CYP19A1: variants seen among roughly 807,000 people sequenced by gnomAD.
The protein encoded by CYP19A1 is cytochrome P450 family 19 subfamily A member 1, also known as aromatase.
In CYP19A1, 32 loss-of-function variants were observed where a neutral mutation model predicts 44.4. That is an observed-to-expected ratio of 0.72 (90% CI 0.54 to 0.97). CYP19A1 has a LOEUF of 0.97. CYP19A1 is among the 50% of genes least tolerant of loss of function. The pLI, the probability that CYP19A1 is intolerant of heterozygous loss-of-function variation, is 0.00. For synonymous variants in CYP19A1, 212 were observed against 215.6 expected (o/e 0.98, Z 0.14); for missense variants, 598 against 637.8 (o/e 0.94, Z 0.67).
chr15:51,333,159 G>T (rs1327030904), intron 1 of CYP19A1, among the ~76,000 whole-genome samples: 1 of 152,124 alleles, frequency 6.6e-6, no homozygotes, highest in Non-Finnish European at 1.5e-5. Context: ...TAGTGGCTTG[G>T]TTTCATGTGA....
chr15:51,236,344 T>C (rs1397184983), intron 3 of CYP19A1, among the ~76,000 whole-genome samples: 3 of 152,330 alleles, frequency 2.0e-5, no homozygotes, highest in South Asian at 2.1e-4. Flanking sequence ...AATTAGCAAA[T>C]TGCTAATCAG....
intron 1 of CYP19A1, among the ~76,000 whole-genome samples, chr15:51,287,710 C>T (rs2035740342): frequency 6.6e-6 from 1 of 152,194 alleles, no homozygotes; most frequent in African/African-American, 2.4e-5. Context: ...AGTAATTATT[C>T]AACTGAGTCC....
At chr15:51,239,544 T>G (rs751476583) in intron 2 of CYP19A1, among the ~76,000 whole-genome samples, 1 of 152,088 alleles carries the variant, frequency 6.6e-6, no homozygotes, top group Admixed American at 6.5e-5. Flanking sequence ...GATAGAAGAA[T>G]ACATAATGTA....
rs1017900084 is a variant in CYP19A1 at position 51,222,065 on chromosome 15, A to C, written c.628+284T>G. On this transcript the variant is annotated intron_variant, in intron 5 of 9. Coordinates refer to ENST00000396402, the MANE Select transcript of CYP19A1 (RefSeq NM_000103.4). ...GTAGGATATGTTAATAACCAAACGA[A>C]CTAATCACATTTGTTAAGTTTCAAC... 3 of 580,438 alleles carry C rather than the reference A, an allele frequency of 5.2e-6. No individual in the cohort carries two copies. In the Admixed American group the frequency reaches 9.2e-5, roughly 18 times the overall value. 36.0% of individuals were successfully genotyped at this position (580,438 alleles called of 1,614,324 possible). A position where few individuals can be genotyped will look rare whatever the true frequency, so the allele number is the denominator to read the frequency against.
At chr15:51,218,226 A>G (rs2031753859) in intron 6 of CYP19A1, among the ~76,000 whole-genome samples, 1 of 152,212 alleles carries the variant, frequency 6.6e-6, no homozygotes, top group African/African-American at 2.4e-5. Context: ...ACAGATATTA[A>G]TGACAGGATC....
intron 1 of CYP19A1, among the ~76,000 whole-genome samples, chr15:51,292,224 G>A (rs145382444): frequency 1.1e-3 from 172 of 152,300 alleles, no homozygotes; most frequent in Non-Finnish European, 2.0e-3. Context: ...TAGTCAAAGA[G>A]AGAAATCATC....
At position 51,211,007 on chromosome 15, in the gene CYP19A1, G is replaced by A. The variant is rs886115212; in HGVS notation, c.1313C>T (p.Ala438Val). The change falls in exon 10 of 10, where the codon GCA becomes GTA. Residue 438 changes from alanine to valine, a missense_variant. By Grantham distance (64) the Ala-to-Val change is moderately conservative. Transcript: ENST00000396402. ...QPFGFGPRGC[A>V]GKYIAMVMMK... ...CATCACCATGGCGATGTACTTTCCT[G>A]CACAGCCACGGGGCCCAAAGCCAAA... is the stretch of plus-strand genomic sequence containing the variant. 1 of 1,589,580 alleles carries A rather than the reference G, an allele frequency of 6.3e-7. No homozygotes were observed. The highest frequency in any genetic ancestry group is 8.6e-7 in the Non-Finnish European group (1 of 1,157,650).
chr15:51,223,239 T>C (rs1202485171), intron 4 of CYP19A1, among the ~76,000 whole-genome samples: 2 of 150,992 alleles, frequency 1.3e-5, no homozygotes, highest in Non-Finnish European at 2.9e-5. Flanking sequence ...GGGGCCTTCA[T>C]ACATATTTTT....
intron 1 of CYP19A1, among the ~76,000 whole-genome samples, chr15:51,282,102 CTG>C (rs2035538170): frequency 2.6e-5 from 4 of 151,680 alleles, no homozygotes; most frequent in African/African-American, 9.7e-5. Context: ...ATGAGAAGAA[CTG>C]AGACAGAGAG....
Position 51,211,016 on chromosome 15 carries a change from C to T in CYP19A1, c.1304G>A (p.Arg435His), listed in dbSNP as rs750452858. The change falls in exon 10 of 10, where the codon CGT becomes CAT. Residue 435 changes from arginine (R) to histidine (H), a missense_variant. Physicochemically the swap from Arg to His is conservative, Grantham distance 29. Transcript: ENST00000396402. ...RYFQPFGFGP[R>H]GCAGKYIAMV... The stretch of plus-strand genomic sequence containing the variant: ...GGCGATGTACTTTCCTGCACAGCCA[C>T]GGGGCCCAAAGCCAAATGGCTGAAA... 4.0e-5 allele frequency: 63 copies of T among 1,589,394 alleles called. No individual in the cohort carries two copies. The highest frequency in any genetic ancestry group is 4.5e-5 in the Non-Finnish European group (52 of 1,157,684).
intron 1 of CYP19A1, among the ~76,000 whole-genome samples, chr15:51,257,691 T>C (rs915208205): frequency 6.6e-6 from 1 of 152,196 alleles, no homozygotes; most frequent in Non-Finnish European, 1.5e-5. Context: ...TCCATTGCAA[T>C]GCTTTCCTCC....
Position 51,299,760 on chromosome 15 carries a change from G to T in CYP19A1, c.-39+38735C>A, listed in dbSNP as rs79293223. ...ATGCTCAGCAACCTTCTACTCACTT[G>T]TTCACAGCCCAGCAGGGGAGATAAG... On this transcript the variant is annotated intron_variant, in intron 1 of 9. Coordinates refer to ENST00000396402, the MANE Select transcript of CYP19A1 (RefSeq NM_000103.4). 9.6e-3 allele frequency among the ~76,000 whole-genome samples: 1,456 copies of T among 152,298 alleles called. 29 individuals are homozygous for T. The highest frequency in any genetic ancestry group is 0.034 in the African/African-American group (1,411 of 41,554).
At chr15:51,214,863 G>A (rs777120538) in intron 8 of CYP19A1, among the ~76,000 whole-genome samples, 1 of 152,154 alleles carries the variant, frequency 6.6e-6, no homozygotes, top group Non-Finnish European at 1.5e-5. Context: ...CTCCCAATGA[G>A]CATGCATCAT....
At chr15:51,282,710 G>T (rs1372733983) in intron 1 of CYP19A1, among the ~76,000 whole-genome samples, 2 of 152,234 alleles carry the variant, frequency 1.3e-5, no homozygotes, top group Admixed American at 6.5e-5. Flanking sequence ...CCAACGTGGG[G>T]CGACAAAGGC....
intron 3 of CYP19A1, among the ~76,000 whole-genome samples, chr15:51,234,726 C>G (rs992288672): frequency 6.6e-6 from 1 of 152,166 alleles, no homozygotes; most frequent in Non-Finnish European, 1.5e-5. Context: ...CCTCCACCCT[C>G]TCTCTAGATG....
chr15:51,278,479 A>G (rs976745009), intron 1 of CYP19A1, among the ~76,000 whole-genome samples: 1 of 152,236 alleles, frequency 6.6e-6, no homozygotes, highest in Non-Finnish European at 1.5e-5. Flanking sequence ...ATGCACACAC[A>G]TAGATACCTG....
At chr15:51,235,067 C>T (rs925560575) in intron 3 of CYP19A1, among the ~76,000 whole-genome samples, 1 of 152,130 alleles carries the variant, frequency 6.6e-6, no homozygotes, top group Non-Finnish European at 1.5e-5. Flanking sequence ...AATGTCCCTA[C>T]CCCCAAACCC....
intron 1 of CYP19A1, among the ~76,000 whole-genome samples, chr15:51,251,185 G>A (rs16964220): frequency 0.15 from 22,500 of 152,040 alleles, 2,999 homozygotes; most frequent in African/African-American, 0.35. Flanking sequence ...TCGTTCCTCC[G>A]GCTTTAAGGT....
At chr15:51,219,538 G>T (rs979498665) in intron 5 of CYP19A1, among the ~76,000 whole-genome samples, 6 of 152,194 alleles carry the variant, frequency 3.9e-5, no homozygotes, top group African/African-American at 1.4e-4. Flanking sequence ...TCGGAAGCTT[G>T]CCCAAAACCA....
Sources: allele counts gnomAD v4.1 joint callset (sites outside exome capture counted in the v4.1 genomes callset), GRCh38; gene constraint gnomAD v4.1.1; transcripts MANE v1.5; gene names NCBI Gene and HGNC (gene_info 2026-07-23, HGNC 2026-07-21).